SMC3: variants seen among roughly 807,000 people sequenced by gnomAD.
SMC3 encodes structural maintenance of chromosomes 3.
A neutral mutation model predicts 171.8 loss-of-function variants in SMC3; 20 were observed. The ratio of observed to expected loss-of-function variants is 0.12; its 90% CI spans 0.08 to 0.17. The LOEUF is 0.17. Ranked by LOEUF, SMC3 falls within the 10% of genes least tolerant of loss-of-function variation. The pLI is 1.00. For synonymous variants in SMC3, 464 were observed against 451.1 expected (o/e 1.03, Z -0.36); for missense variants, 543 against 1,420.4 (o/e 0.38, Z 9.93).
chr10:110,575,528 A>G (rs1860933958), intron 4 of SMC3, 125 bp downstream of exon 4: 4 of 775,298 alleles, frequency 5.2e-6, no homozygotes, highest in South Asian at 1.6e-5. Flanking sequence ...AATCTTTCTC[A>G]TAAGTGTGTT....
At chr10:110,592,586 A>G (rs1168573827) in intron 17 of SMC3, among the ~76,000 whole-genome samples, 1 of 152,246 alleles carries the variant, frequency 6.6e-6, no homozygotes, top group African/African-American at 2.4e-5. Context: ...ATTTAGATAT[A>G]TAAAATATGT....
rs1173977579 is a variant in SMC3 at position 110,583,467 on chromosome 10, A to G, written c.888A>G (p.Gln296=). ...AAGAACAGCTTAGTGCTGAAAGACA[A>G]GAGCAGATTAAGCAGAGGACTAAGT... ...EEKEQLSAER[Q]EQIKQRTKLE... The change falls in exon 11 of 29, where the codon CAA becomes CAG. Residue 296 remains glutamine, a synonymous_variant. Transcript: ENST00000361804. 1.2e-6 allele frequency: 2 copies of G among 1,613,934 alleles called. No homozygotes were observed. Among genetic ancestry groups the G allele is most frequent in the African/African-American group, 2.7e-5 (2 of 74,940 alleles).
chr10:110,602,811 A>G lies in SMC3; in HGVS notation c.3298-14A>G, dbSNP rs775944293. 61 of 1,612,060 alleles carry G rather than the reference A, an allele frequency of 3.8e-5. No individual in the cohort carries two copies. The highest frequency in any genetic ancestry group is 6.7e-5 in the East Asian group (3 of 44,852). The stretch of plus-strand genomic sequence containing the variant: ...GCCCTTTAGGATATTAACTCATAAT[A>G]TGTTTATTTTTAGGTGTCATTTACA... On this transcript the variant is annotated splice_polypyrimidine_tract_variant and intron_variant, in intron 26 of 28. Coordinates refer to ENST00000361804, the MANE Select transcript of SMC3 (RefSeq NM_005445.4).
chr10:110,594,122 C>G (rs932660392), intron 18 of SMC3, among the ~76,000 whole-genome samples: 9 of 144,258 alleles, frequency 6.2e-5, no homozygotes, highest in African/African-American at 2.3e-4. Context: ...AGCAGGGGTT[C>G]TTAACCTTTT....
In SMC3 at chr10:110,602,722, T is replaced by C; in HGVS notation, c.3297+57T>C. ...AGCATTACCATAATAGAATTTATAG[T>C]ATCTTTTGCAAATCTGATTGGTGCA... On this transcript the variant is annotated intron_variant, in intron 26 of 28. Transcript: ENST00000361804. 7 of 1,579,136 alleles carry C rather than the reference T, an allele frequency of 4.4e-6. No individual in the cohort carries two copies. In the South Asian group the frequency reaches 7.7e-5, roughly 17 times the overall value.
At chr10:110,577,302 C>T in intron 4 of SMC3, 119 bp from the exon 5 acceptor site, 1 of 744,954 alleles carries the variant, frequency 1.3e-6, no homozygotes, top group East Asian at 2.6e-5. Context: ...ATATATGAAT[C>T]TAGCAGAAAT....
intron 9 of SMC3, 75 bp downstream of exon 9, chr10:110,582,173 T>A: frequency 1.6e-6 from 2 of 1,250,102 alleles, no homozygotes; most frequent in Non-Finnish European, 1.2e-6. Context: ...AGGCCATAAT[T>A]ACACTTTTCA....
intron 23 of SMC3, 66 bp from the exon 24 acceptor site, chr10:110,601,571 C>A: frequency 1.3e-6 from 2 of 1,520,126 alleles, no homozygotes; most frequent in African/African-American, 1.4e-5. Context: ...TCATAAAAAT[C>A]TATACTCAAC....
chr10:110,597,945 A>G (rs1375798668), intron 19 of SMC3, among the ~76,000 whole-genome samples, 194 bp from the exon 20 acceptor site: 2 of 152,164 alleles, frequency 1.3e-5, no homozygotes, highest in African/African-American at 2.4e-5. Flanking sequence ...ATGGGGTGAA[A>G]TGTTTCAAGC....
chr10:110,595,506 C>T (rs1861286287), intron 18 of SMC3, among the ~76,000 whole-genome samples: 1 of 152,146 alleles, frequency 6.6e-6, no homozygotes, highest in Non-Finnish European at 1.5e-5. Flanking sequence ...TAAAGGTATC[C>T]CTTTGCCCCT....
chr10:110,579,826 G>A (rs558747521), intron 7 of SMC3, among the ~76,000 whole-genome samples: 1 of 152,280 alleles, frequency 6.6e-6, no homozygotes, highest in East Asian at 1.9e-4. Context: ...ACTTTTGATA[G>A]ACCTATTTTC....
In SMC3 at chr10:110,583,864, G is replaced by C. The variant is rs369244486; in HGVS notation, c.993G>C (p.Gln331His). Residue 331 changes from glutamine (Q) to histidine (H), a missense_variant, in exon 12 of 29, where the codon CAG (glutamine) becomes CAC (histidine). Coordinates refer to ENST00000361804, the MANE Select transcript of SMC3 (RefSeq NM_005445.4). Reference protein sequence around the residue: ...EQRKRLLKERQKLLEKIEEKQ... With the variant: ...EQRKRLLKERHKLLEKIEEKQ... Reference sequence around the variant, plus strand: ...AGAAACGTTTATTAAAAGAGAGGCAGAAGCTGCTTGAAAAAATAGAAGAAA... The same window carrying C: ...AGAAACGTTTATTAAAAGAGAGGCACAAGCTGCTTGAAAAAATAGAAGAAA... 24 of 1,613,292 alleles carry C rather than the reference G, an allele frequency of 1.5e-5. No homozygotes were observed. The highest frequency in any genetic ancestry group is 1.7e-5 in the Admixed American group (1 of 59,960).
At chr10:110,596,713 G>T (rs1397073311) in intron 19 of SMC3, among the ~76,000 whole-genome samples, 163 bp downstream of exon 19, 1 of 152,074 alleles carries the variant, frequency 6.6e-6, no homozygotes, top group African/African-American at 2.4e-5. Context: ...CTATTTTAAT[G>T]ATTCTTTGCT....
At chr10:110,573,894 T>C (rs1318513015) in intron 3 of SMC3, 149 bp downstream of exon 3, 46 of 621,092 alleles carry the variant, frequency 7.4e-5, no homozygotes, top group Non-Finnish European at 1.2e-4. Flanking sequence ...GGGTTTAGAG[T>C]ATACAGATCT....
At chr10:110,590,047 A>C in intron 15 of SMC3, 56 bp downstream of exon 15, 3 of 1,481,750 alleles carry the variant, frequency 2.0e-6, no homozygotes, top group Non-Finnish European at 2.8e-6. Context: ...GTTAATCGTT[A>C]TGTAATAATT....
At chr10:110,572,131 CCT>C (rs1860881637) in intron 2 of SMC3, among the ~76,000 whole-genome samples, 2 of 152,184 alleles carry the variant, frequency 1.3e-5, no homozygotes. Context: ...CCTAGATTCA[CCT>C]GTTGTTAACA....
chr10:110,595,380 CATT>C (rs561585525), intron 18 of SMC3, among the ~76,000 whole-genome samples: 2 of 152,102 alleles, frequency 1.3e-5, no homozygotes, highest in Non-Finnish European at 2.9e-5. Context: ...GCTTCCTCAT[CATT>C]GTTTAAATAT....
chr10:110,579,043 C>G (rs1320139353), intron 7 of SMC3, among the ~76,000 whole-genome samples: 2 of 152,122 alleles, frequency 1.3e-5, no homozygotes, highest in African/African-American at 2.4e-5. Flanking sequence ...TTTGTGTTAC[C>G]TAATTATTTA....
At chr10:110,569,108 T>A in intron 2 of SMC3, 95 bp downstream of exon 2, 1 of 809,412 alleles carries the variant, frequency 1.2e-6, no homozygotes, top group Non-Finnish European at 2.2e-6. Flanking sequence ...ACAGGAATTG[T>A]CTTTGAATAT....
Sources: gnomAD v4.1 joint callset for allele counts (sites outside exome capture counted in the v4.1 genomes callset) on GRCh38, gnomAD v4.1.1 for gene constraint, MANE v1.5 for transcripts, NCBI Gene and HGNC (gene_info 2026-07-23, HGNC 2026-07-21) for gene names.